The following NDUFAF6 variants were observed in gnomAD, a reference collection of about 807,000 sequenced individuals.
The protein encoded by NDUFAF6 is NADH dehydrogenase (ubiquinone) complex I, assembly factor 6.
In NDUFAF6, 45 loss-of-function variants were observed where a neutral mutation model predicts 40.8. The observed-to-expected ratio is 1.10, with a 90% CI of 0.87 to 1.42. The LOEUF (loss-of-function observed/expected upper bound fraction) is 1.42. Among genes scored for constraint, NDUFAF6 ranks in the 40% most tolerant of loss-of-function variants. The pLI is 0.00. For missense variants in NDUFAF6, 435 were observed against 418.5 expected (o/e 1.04, Z -0.34); for synonymous variants, 185 against 155.9 (o/e 1.19, Z -1.39).
chr8:94,977,748 T>C (rs570978206), intron 1 of NDUFAF6, among the ~76,000 whole-genome samples: 1 of 152,256 alleles, frequency 6.6e-6, no homozygotes, highest in South Asian at 2.1e-4. Flanking sequence ...GGCTTCAGAC[T>C]GAGGGCTGCA....
downstream of NDUFAF6, among the ~76,000 whole-genome samples, chr8:95,104,556 C>G (rs117617806): frequency 0.011 from 1,605 of 152,276 alleles, 15 homozygotes; most frequent in Admixed American, 0.017. Context: ...CTTTCTCAGC[C>G]TCGTCTAAGG....
intron 3 of NDUFAF6, among the ~76,000 whole-genome samples, chr8:95,037,652 C>T (rs560326072): frequency 8.5e-5 from 13 of 152,210 alleles, no homozygotes; most frequent in Non-Finnish European, 1.6e-4. Context: ...GTTCTCCATA[C>T]ATACACCTTT....
At chr8:94,911,142 G>A (rs1334530272) in intron 1 of NDUFAF6, among the ~76,000 whole-genome samples, 10 of 152,218 alleles carry the variant, frequency 6.6e-5, no homozygotes, top group Non-Finnish European at 2.9e-5. Flanking sequence ...TGGGCTGGGG[G>A]AGGAGATATT....
intron 1 of NDUFAF6, among the ~76,000 whole-genome samples, chr8:94,904,342 T>A (rs1818248499): frequency 9.8e-6 from 1 of 101,530 alleles, no homozygotes; most frequent in African/African-American, 3.6e-5. Context: ...TTTTTTTTTT[T>A]TTTTTTTTTT....
At chr8:95,100,667 C>T (rs931485822) in intron 1 of NDUFAF6, 5 of 152,192 alleles carry the variant, frequency 3.3e-5, no homozygotes, top group African/African-American at 7.2e-5. Context: ...GGCTAAATGA[C>T]GCAGCTTCCA....
At chr8:95,074,089 G>T (rs1430408106) in intron 9 of NDUFAF6, among the ~76,000 whole-genome samples, 1 of 152,138 alleles carries the variant, frequency 6.6e-6, no homozygotes, top group Non-Finnish European at 1.5e-5. Context: ...GGTAAGGGTT[G>T]GGATGGAACA....
chr8:94,896,142 C>G lies in NDUFAF6; in HGVS notation c.-936+215C>G, dbSNP rs1166188544. 3.3e-5 allele frequency among the ~76,000 whole-genome samples: 5 copies of G among 152,210 alleles called. No homozygotes were observed. In the East Asian group the frequency reaches 7.8e-4, roughly 24 times the overall value. Reference sequence around the variant, plus strand: ...TCCGGGATCCCAGAGGGTAAAACCCCTCTCCGGAGCGGGGCCCGGGAACGG... The same window carrying G: ...TCCGGGATCCCAGAGGGTAAAACCCGTCTCCGGAGCGGGGCCCGGGAACGG... On this transcript the variant is annotated intron_variant, in intron 1 of 14. Transcript: ENST00000396113.
chr8:95,095,665 CTT>C (rs11352275), upstream of NDUFAF6, among the ~76,000 whole-genome samples: 652 of 146,816 alleles, frequency 4.4e-3, 3 homozygotes, highest in African/African-American at 0.014. Flanking sequence ...GATCATTTCG[CTT>C]TTTTTTTTTT....
At position 95,057,901 on chromosome 8, in the gene NDUFAF6, AT is replaced by A. The variant is rs779349059; in HGVS notation, c.967del (p.Tyr323IlefsTer18). The part of the protein sequence containing the change: ...LQQKNTLLPL[Y>X]LYIQSWRKTY Reference sequence around the variant, plus strand: ...AGCAGAAGAATACATTACTTCCATTATATTTGTATATTCAGTCATGGAGAAA... The same window carrying A: ...AGCAGAAGAATACATTACTTCCATTAATTTGTATATTCAGTCATGGAGAAA... On this transcript the variant is annotated frameshift_variant, in exon 9 of 9. Transcript: ENST00000396124. LOFTEE classifies it high-confidence loss of function. 2.8e-5 allele frequency: 43 copies of A among 1,553,130 alleles called. No homozygotes were observed. Among genetic ancestry groups the A allele is most frequent in the Non-Finnish European group, 3.7e-5 (42 of 1,124,948 alleles).
rs375642250 is a variant in NDUFAF6, at chr8:95,013,094, TTTC to T, written c.-83-18893_-83-18891del. ...GTTTGTGATAGAGATATGGTTTCTT[TTTC>T]TTCTTCTCCTTTTTTTTTTCTAGAG... is the stretch of plus-strand genomic sequence containing the variant. On this transcript the variant is annotated intron_variant, in intron 2 of 9. Transcript: ENST00000396111. 7.4e-3 allele frequency among the ~76,000 whole-genome samples: 1,131 copies of T among 152,142 alleles called. 10 individuals are homozygous for T. Among genetic ancestry groups the T allele is most frequent in the Middle Eastern group, 0.037 (11 of 294 alleles).
intron 1 of NDUFAF6, among the ~76,000 whole-genome samples, chr8:94,921,996 GTTTT>G (rs1284088861): frequency 6.6e-6 from 1 of 152,018 alleles, no homozygotes; most frequent in African/African-American, 2.4e-5. Flanking sequence ...AGCAATCCGT[GTTTT>G]TTTGTTTTTT....
chr8:95,047,068 G>A lies in NDUFAF6; in HGVS notation c.655G>A (p.Ala219Thr), dbSNP rs749297305. 69 of 1,614,080 alleles carry A rather than the reference G, an allele frequency of 4.3e-5. No individual in the cohort carries two copies. Among genetic ancestry groups the A allele is most frequent in the Non-Finnish European group, 5.6e-5 (66 of 1,180,046 alleles). The change falls in exon 6 of 9, where the codon GCA (alanine) becomes ACA (threonine). Residue 219 changes from alanine to threonine, a missense_variant. By Grantham distance (58) the Ala-to-Thr change is moderately conservative. Transcript: ENST00000396124. ...KAQGIVTCLR[A>T]TPYHGSRRKV... Reference sequence around the variant, plus strand: ...ACAAGGCATTGTCACTTGCTTGAGAGCAACACCATATCATGGGAGCAGAAG... The same window carrying A: ...ACAAGGCATTGTCACTTGCTTGAGAACAACACCATATCATGGGAGCAGAAG...
intron 1 of NDUFAF6, among the ~76,000 whole-genome samples, chr8:94,969,324 C>T (rs767486341): frequency 2.0e-5 from 3 of 152,196 alleles, no homozygotes; most frequent in Non-Finnish European, 4.4e-5. Flanking sequence ...CAATAGGGTC[C>T]ACCTAGGAGA....
intron 1 of NDUFAF6, among the ~76,000 whole-genome samples, chr8:94,917,110 C>CAAAAAAAAAAA (rs35834003): frequency 1.1e-5 from 1 of 89,574 alleles, no homozygotes; most frequent in African/African-American, 4.3e-5. Flanking sequence ...GACTCCATCT[C>CAAAAAAAAAAA]AAAAAAAAAA....
At chr8:94,951,047 T>C (rs1238223747) in intron 2 of NDUFAF6, 9 of 152,336 alleles carry the variant, frequency 5.9e-5, no homozygotes, top group African/African-American at 2.2e-4. Context: ...CTCTGACCAA[T>C]AGAATGTGGC....
chr8:95,091,337 C>T (rs1303745442), intron 2 of NDUFAF6, among the ~76,000 whole-genome samples: 6 of 152,094 alleles, frequency 3.9e-5, no homozygotes, highest in Admixed American at 3.3e-4. Context: ...AGGGGAAGAG[C>T]CTCTTATAAA....
chr8:94,960,887 C>G (rs993806935), intron 1 of NDUFAF6, among the ~76,000 whole-genome samples: 9 of 152,224 alleles, frequency 5.9e-5, no homozygotes, highest in Non-Finnish European at 1.2e-4. Context: ...TTTTCCCAGG[C>G]ATTTGCACTC....
intron 8 of NDUFAF6, among the ~76,000 whole-genome samples, chr8:95,054,414 G>T (rs1437968666): frequency 5.4e-5 from 8 of 148,832 alleles, no homozygotes; most frequent in Non-Finnish European, 1.2e-4. Context: ...CTCGGGGGGT[G>T]GGGCCCAGTT....
intron 2 of NDUFAF6, among the ~76,000 whole-genome samples, chr8:94,992,247 G>A (rs1287656675): frequency 1.3e-5 from 2 of 152,154 alleles, no homozygotes; most frequent in Non-Finnish European, 2.9e-5. Context: ...CAGCACTTTG[G>A]GAGGCCAAGG....
Sources: allele counts gnomAD v4.1 joint callset (sites outside exome capture counted in the v4.1 genomes callset), GRCh38; gene constraint gnomAD v4.1.1; transcripts MANE v1.5; gene names NCBI Gene and HGNC (gene_info 2026-07-23, HGNC 2026-07-21).